The following DAB1 variants were observed in gnomAD, a reference collection of about 807,000 sequenced individuals.
DAB1 encodes the protein DAB adaptor protein 1, also known as disabled homolog 1.
DAB1 carries 15 observed loss-of-function variants against 64.6 expected under a neutral mutation model. The ratio of observed to expected loss-of-function variants is 0.23; its 90% CI spans 0.16 to 0.36. The LOEUF is 0.36. Among genes scored for constraint, DAB1 ranks in the 10% least tolerant of loss-of-function variants. The pLI, the probability that DAB1 is intolerant of heterozygous loss-of-function variation, is 1.00. For missense variants in DAB1, 596 were observed against 706.7 expected (o/e 0.84, Z 1.78); for synonymous variants, 235 against 251.9 (o/e 0.93, Z 0.64).
downstream of DAB1, among the ~76,000 whole-genome samples, chr1:57,825,411 A>G (rs1652300426): frequency 1.3e-5 from 2 of 152,372 alleles, no homozygotes; most frequent in South Asian, 4.1e-4. Context: ...GCAGGACTGT[A>G]TAGAGGAAGG....
At chr1:58,152,299 A>G (rs1378757533) in intron 4 of DAB1, among the ~76,000 whole-genome samples, 2 of 152,148 alleles carry the variant, frequency 1.3e-5, no homozygotes, top group East Asian at 1.9e-4. Context: ...TTGGGCAAGT[A>G]TTTGCCTAAT....
chr1:58,445,783 G>C (rs1645058576), intron 3 of DAB1, among the ~76,000 whole-genome samples: 1 of 152,030 alleles, frequency 6.6e-6, no homozygotes, highest in Admixed American at 6.5e-5. Context: ...CTTTCTATAG[G>C]AATCACTCCA....
intron 2 of DAB1, among the ~76,000 whole-genome samples, chr1:57,152,148 G>A (rs1659743569): frequency 1.3e-5 from 2 of 152,292 alleles, no homozygotes; most frequent in Admixed American, 6.5e-5. Flanking sequence ...CTCCTTAAGT[G>A]TGAGAAATAC....
chr1:57,958,841 CT>C (rs1195557125), intron 5 of DAB1, among the ~76,000 whole-genome samples: 3 of 152,134 alleles, frequency 2.0e-5, no homozygotes, highest in Non-Finnish European at 4.4e-5. Context: ...GTCCACATCC[CT>C]TTTTATAAGG....
intron 3 of DAB1, among the ~76,000 whole-genome samples, chr1:58,369,614 G>A (rs1406655452): frequency 6.6e-6 from 1 of 152,192 alleles, no homozygotes; most frequent in Admixed American, 6.5e-5. Context: ...TGCCTAGCAT[G>A]GGCAAGGAGC....
intron 3 of DAB1, among the ~76,000 whole-genome samples, chr1:57,143,821 A>G (rs919589749): frequency 4.0e-5 from 6 of 149,116 alleles, no homozygotes; most frequent in Non-Finnish European, 9.0e-5. Context: ...TACACACCTA[A>G]CAAGCTTTTT....
At chr1:57,607,563 G>A (rs1645672580) in intron 7 of DAB1, among the ~76,000 whole-genome samples, 1 of 152,080 alleles carries the variant, frequency 6.6e-6, no homozygotes, top group Non-Finnish European at 1.5e-5. Context: ...TGTGCCCTAT[G>A]TCAGCCTCAT....
chr1:57,567,508 C>G (rs1422505811), intron 7 of DAB1, among the ~76,000 whole-genome samples: 2 of 152,134 alleles, frequency 1.3e-5, no homozygotes, highest in African/African-American at 2.4e-5. Context: ...CAGATGACAT[C>G]ATTGTATATT....
chr1:57,729,352 C>T (rs1303934537), intron 6 of DAB1, among the ~76,000 whole-genome samples: 1 of 152,242 alleles, frequency 6.6e-6, no homozygotes, highest in Non-Finnish European at 1.5e-5. Context: ...CAGGGTGTCA[C>T]ATATGAGCCC....
intron 4 of DAB1, among the ~76,000 whole-genome samples, chr1:58,264,795 C>T (rs1661124007): frequency 6.6e-6 from 1 of 152,152 alleles, no homozygotes. Flanking sequence ...AGCTATTTGG[C>T]TTGGCAGCTA....
At position 57,098,443 on chromosome 1, in the gene DAB1, T is replaced by C. The variant is rs570630719; in HGVS notation, c.307-26029A>G. On this transcript the variant is annotated intron_variant, in intron 4 of 14. Coordinates refer to ENST00000371236, the MANE Select transcript of DAB1 (RefSeq NM_001365792.1). ...GAACTCAGGACTATATGAAAACAGC[T>C]CACGGACCCCCATTACCATCTAATT... is the stretch of plus-strand genomic sequence containing the variant. Among the ~76,000 whole-genome samples the C allele has an allele frequency of 1.7e-3, 262 of 152,280 alleles. 1 individual carries two copies. The highest frequency in any genetic ancestry group is 2.5e-3 in the Non-Finnish European group (169 of 68,032).
At chr1:58,207,931 C>T (rs1246002350) in intron 4 of DAB1, among the ~76,000 whole-genome samples, 1 of 152,178 alleles carries the variant, frequency 6.6e-6, no homozygotes, top group Non-Finnish European at 1.5e-5. Context: ...TTAATTGACT[C>T]ACACTTCCAC....
chr1:58,282,453 G>A (rs1455148419), intron 4 of DAB1, among the ~76,000 whole-genome samples: 2 of 151,942 alleles, frequency 1.3e-5, no homozygotes, highest in Non-Finnish European at 2.9e-5. Context: ...TTTCATAGTG[G>A]GAAACATTCT....
chr1:58,343,887 T>G (rs1643967363), intron 3 of DAB1, among the ~76,000 whole-genome samples: 1 of 152,198 alleles, frequency 6.6e-6, no homozygotes, highest in South Asian at 2.1e-4. Flanking sequence ...GAAACATTGC[T>G]GTTTAACCTG....
chr1:57,196,070 TGAA>T (rs1664598666), intron 2 of DAB1, among the ~76,000 whole-genome samples: 1 of 152,016 alleles, frequency 6.6e-6, no homozygotes, highest in African/African-American at 2.4e-5. Context: ...GAGAGTGGGA[TGAA>T]GAAGGGCCAA....
chr1:57,961,610 T>C (rs767971975), intron 5 of DAB1, among the ~76,000 whole-genome samples: 4 of 152,190 alleles, frequency 2.6e-5, no homozygotes, highest in Non-Finnish European at 4.4e-5. Context: ...CCATAAAGAA[T>C]TGTACTGGGA....
At chr1:57,376,997 C>G (rs1386735836) in intron 1 of DAB1, among the ~76,000 whole-genome samples, 1 of 152,140 alleles carries the variant, frequency 6.6e-6, no homozygotes, top group Non-Finnish European at 1.5e-5. Flanking sequence ...GTCCAGGTGC[C>G]GGTGGCTCAT....
At chr1:57,334,869 C>A (rs1321984116) in intron 1 of DAB1, among the ~76,000 whole-genome samples, 1 of 152,108 alleles carries the variant, frequency 6.6e-6, no homozygotes, top group Non-Finnish European at 1.5e-5. Context: ...TCATGAACAT[C>A]CTAGAGAAAG....
intron 5 of DAB1, among the ~76,000 whole-genome samples, chr1:58,060,501 A>C (rs951459700): frequency 1.3e-5 from 2 of 152,194 alleles, no homozygotes; most frequent in Non-Finnish European, 2.9e-5. Flanking sequence ...CAGAGTAAAG[A>C]GCGACTGGTG....
Sources: gnomAD v4.1 joint callset for allele counts (sites outside exome capture counted in the v4.1 genomes callset) on GRCh38, gnomAD v4.1.1 for gene constraint, MANE v1.5 for transcripts, NCBI Gene and HGNC (gene_info 2026-07-23, HGNC 2026-07-21) for gene names.